The following NIM1K variants were observed in gnomAD, a reference collection of about 807,000 sequenced individuals.
NIM1K encodes NIM1 serine/threonine protein kinase, also known as serine/threonine-protein kinase NIM1.
A neutral mutation model predicts 37.1 loss-of-function variants in NIM1K; 35 were observed. The observed-to-expected ratio is 0.94, with a 90% CI of 0.72 to 1.25. The LOEUF (loss-of-function observed/expected upper bound fraction) is 1.25, where lower values mean the gene tolerates loss of function less well. NIM1K is among the 50% of genes most tolerant of loss of function. The probability of loss-of-function intolerance (pLI) is 0.00; values close to 1 mark genes in which losing one functional copy is unlikely to be tolerated. For synonymous variants in NIM1K, 234 were observed against 206.6 expected (o/e 1.13, Z -1.14); for missense variants, 564 against 548.0 (o/e 1.03, Z -0.29).
At position 43,245,828 on chromosome 5, in the gene NIM1K, G is replaced by T. The variant is rs776484045; in HGVS notation, c.53G>T (p.Arg18Leu). ...GGCCTGGTGAACCCCCACTATGCCC[G>T]GTGGGATCGGCGCGACAGTGTAGAA... Reference protein sequence around the residue: ...GGGLVNPHYARWDRRDSVESG... With the variant: ...GGGLVNPHYALWDRRDSVESG... The change falls in exon 2 of 4, where the codon CGG (arginine) becomes CTG (leucine). Residue 18 changes from arginine to leucine, a missense_variant. By Grantham distance (102) the Arg-to-Leu change is moderately radical (BLOSUM62 -2). Transcript: ENST00000326035. 1.4e-5 allele frequency: 22 copies of T among 1,613,404 alleles called. No individual in the cohort carries two copies. Among genetic ancestry groups the T allele is most frequent in the Non-Finnish European group, 1.8e-5 (21 of 1,179,642 alleles).
rs920282738 is a variant in NIM1K, at chr5:43,258,034, C to T, written c.292+11967C>T. Among the ~76,000 whole-genome samples the T allele has an allele frequency of 3.3e-5, 5 of 152,160 alleles. 1 individual carries two copies. The highest frequency in any genetic ancestry group is 2.6e-4 in the Admixed American group (4 of 15,284). The stretch of plus-strand genomic sequence containing the variant: ...ACTGAAAAGACCCATGGAAGCACCA[C>T]CAACATCAAGACACAGAACACTTCT... On this transcript the variant is annotated intron_variant, in intron 2 of 3. Coordinates refer to ENST00000326035, the MANE Select transcript of NIM1K (RefSeq NM_153361.4).
intron 1 of NIM1K, among the ~76,000 whole-genome samples, chr5:43,238,988 A>C (rs1292068994): frequency 6.6e-6 from 1 of 150,994 alleles, no homozygotes; most frequent in African/African-American, 2.4e-5. Flanking sequence ...CACTGCTCTA[A>C]CTTCAAACAG....
intron 1 of NIM1K, among the ~76,000 whole-genome samples, chr5:43,215,968 C>A (rs1365011347): frequency 6.6e-6 from 1 of 152,274 alleles, no homozygotes; most frequent in Admixed American, 6.5e-5. Flanking sequence ...GTTTTCCTGG[C>A]TCCCCAGGAA....
chr5:43,253,853 G>T (rs1752903866), intron 2 of NIM1K, among the ~76,000 whole-genome samples: 1 of 152,022 alleles, frequency 6.6e-6, no homozygotes, highest in African/African-American at 2.4e-5. Flanking sequence ...AGTAGAGATG[G>T]GGTTTCACCA....
At chr5:43,263,261 C>G (rs1753064786) in intron 2 of NIM1K, among the ~76,000 whole-genome samples, 1 of 152,066 alleles carries the variant, frequency 6.6e-6, no homozygotes, top group African/African-American at 2.4e-5. Context: ...GGTTGGTAGG[C>G]TATTAATTAT....
In NIM1K at chr5:43,277,283, C is replaced by A; in HGVS notation, c.519C>A (p.Ser173Arg). 2 of 1,614,084 alleles carry A rather than the reference C, an allele frequency of 1.2e-6. No homozygotes were observed. The highest frequency in any genetic ancestry group is 1.7e-6 in the Non-Finnish European group (2 of 1,179,988). ...STEGKLSEPE[S>R]KLIFSQIVSA... is the part of the protein sequence containing the mutation. Reference sequence around the variant, plus strand: ...AGGGGAAGCTCTCTGAACCAGAAAGCAAGCTCATCTTCTCCCAGATTGTGT... The same window carrying A: ...AGGGGAAGCTCTCTGAACCAGAAAGAAAGCTCATCTTCTCCCAGATTGTGT... The change falls in exon 3 of 4, where the codon AGC becomes AGA. Residue 173 changes from serine (S) to arginine (R), a missense_variant. Transcript: ENST00000326035.
chr5:43,272,032 G>A (rs55910903), intron 2 of NIM1K, among the ~76,000 whole-genome samples: 18,702 of 152,106 alleles, frequency 0.12, 1,288 homozygotes, highest in Middle Eastern at 0.18. Context: ...GGTATTCCAC[G>A]TATGAAGGTA....
intron 2 of NIM1K, among the ~76,000 whole-genome samples, chr5:43,263,038 T>A (rs1753059714): frequency 6.6e-6 from 1 of 152,232 alleles, no homozygotes; most frequent in Non-Finnish European, 1.5e-5. Flanking sequence ...GATTTTTGCA[T>A]CAATGTTCAT....
intron 2 of NIM1K, among the ~76,000 whole-genome samples, chr5:43,258,610 T>A (rs1752982395): frequency 6.6e-6 from 1 of 152,060 alleles, no homozygotes; most frequent in African/African-American, 2.4e-5. Context: ...CCTGGCTAAT[T>A]TTTTAAATGT....
chr5:43,200,943 G>A (rs1198094180), intron 1 of NIM1K, among the ~76,000 whole-genome samples: 2 of 151,936 alleles, frequency 1.3e-5, no homozygotes, highest in African/African-American at 4.8e-5. Flanking sequence ...GGCCAAGATG[G>A]TGAAACCCTG....
intron 1 of NIM1K, among the ~76,000 whole-genome samples, 173 bp downstream of exon 1, chr5:43,192,584 C>T (rs1751849418): frequency 6.6e-6 from 1 of 152,210 alleles, no homozygotes; most frequent in South Asian, 2.1e-4. Flanking sequence ...GAAGGTTAGG[C>T]GCTTTCTGGG....
chr5:43,277,372 C>A (rs776902581), intron 3 of NIM1K, 47 bp downstream of exon 3: 2 of 1,577,174 alleles, frequency 1.3e-6, no homozygotes, highest in Non-Finnish European at 1.7e-6. Flanking sequence ...TGCACTGACA[C>A]TGGGAGCACA....
chr5:43,194,695 G>C (rs529738591), intron 1 of NIM1K: 1 of 152,258 alleles, frequency 6.6e-6, no homozygotes, highest in African/African-American at 2.4e-5. Context: ...CGATTTCTGA[G>C]CTTCAAATTC....
intron 2 of NIM1K, among the ~76,000 whole-genome samples, chr5:43,273,582 C>T (rs981338118): frequency 4.6e-5 from 7 of 152,152 alleles, no homozygotes; most frequent in Non-Finnish European, 7.3e-5. Context: ...TCTCATTGCC[C>T]TATAGTTAAA....
At chr5:43,236,882 C>G (rs1007394731) in intron 1 of NIM1K, among the ~76,000 whole-genome samples, 3 of 152,344 alleles carry the variant, frequency 2.0e-5, no homozygotes, top group Admixed American at 6.5e-5. Context: ...CCAGCGCATA[C>G]TGACTGCTTT....
chr5:43,258,761 G>A (rs111483185), intron 2 of NIM1K, among the ~76,000 whole-genome samples: 428 of 151,984 alleles, frequency 2.8e-3, no homozygotes, highest in African/African-American at 9.1e-3. Flanking sequence ...TTTTTATTGG[G>A]GACATTTTTA....
intron 1 of NIM1K, among the ~76,000 whole-genome samples, chr5:43,235,437 A>G (rs896779318): frequency 6.6e-6 from 1 of 152,244 alleles, no homozygotes; most frequent in Non-Finnish European, 1.5e-5. Flanking sequence ...GAGATACTCA[A>G]TTGTCAAGCT....
intron 1 of NIM1K, among the ~76,000 whole-genome samples, chr5:43,198,201 TTCTTTCTCTTTCTTTC>T (rs1751955875): frequency 1.8e-5 from 1 of 54,814 alleles, no homozygotes; most frequent in African/African-American, 7.4e-5. Context: ...CTTTCTTTCT[TTCTTTCTCTTTCTTTC>T]TTTCTTTCTT....
rs200814674 is a variant in NIM1K at position 43,212,077 on chromosome 5, T to G, written c.-695+19666T>G. 1.1e-4 allele frequency among the ~76,000 whole-genome samples: 17 copies of G among 152,268 alleles called. No individual in the cohort carries two copies. The East Asian group carries it at 2.9e-3, about 26-fold the overall frequency. ...TGAATATAAAAGTATTTTAAGACTTTTATTTCCGCCTCTCTTGGATGCGCC... is the reference window on the plus strand; with the variant it reads ...TGAATATAAAAGTATTTTAAGACTTGTATTTCCGCCTCTCTTGGATGCGCC... On this transcript the variant is annotated intron_variant, in intron 1 of 3. Coordinates refer to ENST00000326035, the MANE Select transcript of NIM1K (RefSeq NM_153361.4).
Sources: allele counts gnomAD v4.1 joint callset (sites outside exome capture counted in the v4.1 genomes callset), GRCh38; gene constraint gnomAD v4.1.1; transcripts MANE v1.5; gene names NCBI Gene and HGNC (gene_info 2026-07-23, HGNC 2026-07-21).